Variants in MBTD1 observed in about 807,000 individuals in gnomAD.
MBTD1 encodes mbt domain containing 1, also known as MBT domain-containing protein 1.
MBTD1 carries 24 observed loss-of-function variants against 87.8 expected under a neutral mutation model. That is an observed-to-expected ratio of 0.27 (90% CI 0.20 to 0.38). MBTD1 has a LOEUF of 0.38. Ranked by LOEUF, MBTD1 falls within the 10% of genes least tolerant of loss-of-function variation. The pLI, the probability that MBTD1 is intolerant of heterozygous loss-of-function variation, is 1.00. For missense variants in MBTD1, 436 were observed against 760.2 expected (o/e 0.57, Z 5.02); for synonymous variants, 237 against 248.6 (o/e 0.95, Z 0.44).
At chr17:51,234,525 C>G (rs1328067147) in intron 2 of MBTD1, among the ~76,000 whole-genome samples, 1 of 151,956 alleles carries the variant, frequency 6.6e-6, no homozygotes, top group African/African-American at 2.4e-5. Context: ...TGGACAAATT[C>G]CTTCAGAGAC....
At chr17:51,185,996 G>A (rs946429845) in intron 16 of MBTD1, 2 of 152,624 alleles carry the variant, frequency 1.3e-5, no homozygotes, top group Admixed American at 1.3e-4. Context: ...ACCCTCTGAA[G>A]TACCTGAGAT....
rs761320819 is a variant in MBTD1, at chr17:51,180,703, A to G, written c.1769-9T>C. 1.3e-4 allele frequency: 180 copies of G among 1,436,986 alleles called. No individual in the cohort carries two copies. The Admixed American group carries it at 3.1e-3, about 25-fold the overall frequency. 89.0% of individuals were successfully genotyped at this position (1,436,986 alleles called of 1,614,324 possible). The stretch of plus-strand genomic sequence containing the variant: ...CAGCTGCAGTGTTGTCACTGAATGA[A>G]AGAGAGAGAAACATATGGGCATTAA... On this transcript the variant is annotated splice_polypyrimidine_tract_variant and intron_variant, in intron 16 of 16. Transcript: ENST00000586178.
rs1437228367 is a variant in MBTD1, at chr17:51,179,483, TTTATATATATATATATATATATATATA to T, written c.*1066_*1092del. 3.5e-4 allele frequency: 13 copies of T among 37,052 alleles called. No homozygotes were observed. Among genetic ancestry groups the T allele is most frequent in the Admixed American group, 1.2e-3 (3 of 2,502 alleles). The allele number at this position is 37,052 out of a possible 1,614,324, so 2.3% of individuals were successfully genotyped here. A position where few individuals can be genotyped will look rare whatever the true frequency, so the allele number is the denominator to read the frequency against. On this transcript the variant is annotated 3_prime_UTR_variant, in exon 17 of 17. Coordinates refer to ENST00000586178, the MANE Select transcript of MBTD1 (RefSeq NM_017643.3). ...AATCCTGAATACAATTAAAGACAAT[TTTATATATATATATATATATATATATA>T]TATATATATATATATATATATATAT... is the stretch of plus-strand genomic sequence containing the variant.
At chr17:51,229,780 C>T (rs1251679989) in intron 2 of MBTD1, among the ~76,000 whole-genome samples, 4 of 151,758 alleles carry the variant, frequency 2.6e-5, no homozygotes, top group African/African-American at 9.7e-5. Flanking sequence ...CCTGCCTCAG[C>T]ATCCCAAGTA....
chr17:51,255,681 G>C (rs2055048610), intron 2 of MBTD1, among the ~76,000 whole-genome samples: 1 of 151,246 alleles, frequency 6.6e-6, no homozygotes, highest in Non-Finnish European at 1.5e-5. Context: ...CTTCAACCTG[G>C]GTCTCCCACC....
intron 14 of MBTD1, 136 bp from the exon 15 acceptor site, chr17:51,193,152 T>A: frequency 3.0e-6 from 2 of 674,444 alleles, no homozygotes; most frequent in Admixed American, 2.7e-5. Flanking sequence ...AATAATTCTT[T>A]AACTATTTAA....
intron 2 of MBTD1, among the ~76,000 whole-genome samples, chr17:51,246,831 G>T (rs1431351102): frequency 6.6e-6 from 1 of 151,942 alleles, no homozygotes; most frequent in African/African-American, 2.4e-5. Flanking sequence ...GTAGAGACGG[G>T]GTTTCACCAT....
intron 2 of MBTD1, among the ~76,000 whole-genome samples, chr17:51,240,555 C>G (rs1430416280): frequency 6.6e-6 from 1 of 152,168 alleles, no homozygotes; most frequent in African/African-American, 2.4e-5. Flanking sequence ...TTGGCAGGTA[C>G]ATGGCAGAGG....
intron 12 of MBTD1, among the ~76,000 whole-genome samples, chr17:51,196,520 T>C (rs988971932): frequency 6.6e-6 from 1 of 151,944 alleles, no homozygotes; most frequent in African/African-American, 2.4e-5. Flanking sequence ...AACTTCCCCA[T>C]CTTGCCCTAT....
chr17:51,230,488 T>C (rs945930588), intron 2 of MBTD1, among the ~76,000 whole-genome samples: 5 of 152,130 alleles, frequency 3.3e-5, no homozygotes, highest in Non-Finnish European at 7.4e-5. Flanking sequence ...TGTAAGCTAC[T>C]GGTAGGAGGA....
intron 2 of MBTD1, among the ~76,000 whole-genome samples, chr17:51,255,403 A>G (rs989788387): frequency 6.6e-6 from 1 of 152,204 alleles, no homozygotes; most frequent in African/African-American, 2.4e-5. Flanking sequence ...TTTAAAAAAT[A>G]TATTTGGAAC....
chr17:51,218,654 C>A (rs2052716865), intron 5 of MBTD1, among the ~76,000 whole-genome samples: 1 of 151,518 alleles, frequency 6.6e-6, no homozygotes, highest in Admixed American at 6.6e-5. Context: ...TGCCTAATAT[C>A]TTCACAATTC....
intron 7 of MBTD1, among the ~76,000 whole-genome samples, chr17:51,205,998 C>T (rs969511678): frequency 2.6e-5 from 4 of 152,128 alleles, no homozygotes; most frequent in Non-Finnish European, 5.9e-5. Context: ...CAATGCCCTA[C>T]TACACTACTC....
At chr17:51,207,360 C>G (rs1202850341) in intron 6 of MBTD1, among the ~76,000 whole-genome samples, 1 of 152,094 alleles carries the variant, frequency 6.6e-6, no homozygotes, top group African/African-American at 2.4e-5. Flanking sequence ...ACACTTCACC[C>G]TAATTTCTAC....
chr17:51,239,243 T>C (rs2054027162), intron 2 of MBTD1, among the ~76,000 whole-genome samples: 1 of 152,214 alleles, frequency 6.6e-6, no homozygotes, highest in Non-Finnish European at 1.5e-5. Flanking sequence ...CAAATGTCTA[T>C]TTGTATCAAC....
chr17:51,260,494 C>T (rs2055411184), upstream of MBTD1: 5 of 1,402,122 alleles, frequency 3.6e-6, no homozygotes, highest in South Asian at 2.9e-5. Flanking sequence ...TTCCGGCCCC[C>T]GGGGCTTCGG....
chr17:51,217,389 C>A lies in MBTD1; in HGVS notation c.431G>T (p.Gly144Val). 3 of 1,536,564 alleles carry A rather than the reference C, an allele frequency of 2.0e-6. No homozygotes were observed. Among genetic ancestry groups the A allele is most frequent in the South Asian group, 1.2e-5 (1 of 81,172 alleles). ...AAVSMEGFSW[G>V]NYINSNSFIA... is the part of the protein sequence containing the mutation. The stretch of plus-strand genomic sequence containing the variant: ...AAAGCTATTGCTATTGATGTAGTTA[C>A]CCCAGCTGAAACCTTCCATGGAGAC... Residue 144 changes from glycine to valine, a missense_variant, in exon 6 of 17, where the codon GGT (glycine) becomes GTT (valine). Gly to Val is a moderately radical substitution (Grantham distance 109). Around this residue, in one of 5 missense-constraint regions of MBTD1, gnomAD observed 268 missense variants for 401.8 expected, o/e 0.67. Transcript: ENST00000586178.
chr17:51,216,612 G>GA (rs2052582871), intron 6 of MBTD1, among the ~76,000 whole-genome samples: 1 of 152,156 alleles, frequency 6.6e-6, no homozygotes, highest in Admixed American at 6.5e-5. Flanking sequence ...AAAAAAATTA[G>GA]AAAAAAGATC....
chr17:51,223,435 A>G (rs7209039), intron 3 of MBTD1, among the ~76,000 whole-genome samples: 150,304 of 152,048 alleles, frequency 0.99, 74,315 homozygotes, highest in Middle Eastern at 1. Flanking sequence ...ACTTGGGAGG[A>G]TGAGGTGAGA....
Sources: gnomAD v4.1 joint callset for allele counts (sites outside exome capture counted in the v4.1 genomes callset) on GRCh38, gnomAD v4.1.1 for gene constraint, gnomAD v4.1.1 regional missense constraint, MANE v1.5 for transcripts, NCBI Gene and HGNC (gene_info 2026-07-23, HGNC 2026-07-21) for gene names.